YAP1: variants seen among roughly 807,000 people sequenced by gnomAD.
The protein encoded by YAP1 is transcriptional coactivator YAP1.
YAP1 carries 5 observed loss-of-function variants against 56.9 expected under a neutral mutation model. That is an observed-to-expected ratio of 0.09 (90% CI 0.05 to 0.18). The LOEUF (loss-of-function observed/expected upper bound fraction) is 0.18. Ranked by LOEUF, YAP1 falls within the 10% of genes least tolerant of loss-of-function variation. YAP1 has a pLI of 1.00. For missense variants in YAP1, 539 were observed against 651.8 expected (o/e 0.83, Z 1.88); for synonymous variants, 265 against 248.1 (o/e 1.07, Z -0.64).
intron 2 of YAP1, among the ~76,000 whole-genome samples, chr11:102,149,799 T>G (rs1945520408): frequency 6.6e-6 from 1 of 152,120 alleles, no homozygotes; most frequent in Admixed American, 6.5e-5. Context: ...GGACTCCAGT[T>G]GGAGACTGGA....
In YAP1 at chr11:102,110,715, C is replaced by T; in HGVS notation, c.-134C>T. The T allele has an allele frequency of 5.2e-6, 4 of 762,988 alleles. No homozygotes were observed. Among genetic ancestry groups the T allele is most frequent in the Non-Finnish European group, 6.9e-6 (4 of 581,158 alleles). 47.3% of individuals were successfully genotyped at this position (762,988 alleles called of 1,614,324 possible). A position where few individuals can be genotyped will look rare whatever the true frequency, so the allele number is the denominator to read the frequency against. On this transcript the variant is annotated 5_prime_UTR_variant, in exon 1 of 9. Transcript: ENST00000282441. ...GCGGGGCCGCGGCGCAGCCCCCCGG[C>T]CCTGAGAGCGAGGACAGCGCCGCCC...
At chr11:102,118,273 G>A (rs943419081) in intron 2 of YAP1, among the ~76,000 whole-genome samples, 2 of 152,072 alleles carry the variant, frequency 1.3e-5, no homozygotes, top group South Asian at 4.1e-4. Flanking sequence ...TTTAGTCTGC[G>A]AAGATTCAAG....
At chr11:102,111,276 G>T (rs1477777828) in intron 1 of YAP1, 107 bp downstream of exon 1, 1 of 1,383,652 alleles carries the variant, frequency 7.2e-7, no homozygotes, top group East Asian at 2.6e-5. Flanking sequence ...GGGGTTGCGG[G>T]AACTCTAGCT....
intron 6 of YAP1, among the ~76,000 whole-genome samples, chr11:102,217,716 G>T (rs1052605299): frequency 4.0e-5 from 6 of 151,888 alleles, no homozygotes; most frequent in Admixed American, 3.9e-4. Context: ...TTGAGATGGA[G>T]GTTCGTTCTT....
intron 3 of YAP1, among the ~76,000 whole-genome samples, chr11:102,169,293 C>T (rs1946775644): frequency 6.6e-6 from 1 of 152,158 alleles, no homozygotes; most frequent in Admixed American, 6.6e-5. Flanking sequence ...AGAATTTAAT[C>T]AGTTTGTAAT....
chr11:102,202,012 C>A, intron 4 of YAP1, among the ~76,000 whole-genome samples: 1 of 151,928 alleles, frequency 6.6e-6, no homozygotes, highest in Non-Finnish European at 1.5e-5. Context: ...GCAAAAAGAT[C>A]CAGCTTGACC....
chr11:102,188,514 A>C (rs1783439482), intron 4 of YAP1, among the ~76,000 whole-genome samples: 2 of 152,248 alleles, frequency 1.3e-5, no homozygotes, highest in African/African-American at 4.8e-5. Flanking sequence ...CGTTTCAGTC[A>C]GCGGCAGACC....
chr11:102,116,703 T>C (rs188158071), intron 2 of YAP1, among the ~76,000 whole-genome samples: 4 of 152,292 alleles, frequency 2.6e-5, no homozygotes, highest in African/African-American at 9.6e-5. Flanking sequence ...AAGACATGAT[T>C]GTTGTTTCAG....
At chr11:102,189,166 T>G (rs1283341180) in intron 4 of YAP1, among the ~76,000 whole-genome samples, 2 of 152,100 alleles carry the variant, frequency 1.3e-5, no homozygotes, top group East Asian at 3.9e-4. Flanking sequence ...TTATTTCATA[T>G]AAACACATAG....
chr11:102,225,240 T>C (rs1950140820), intron 7 of YAP1, among the ~76,000 whole-genome samples: 1 of 152,002 alleles, frequency 6.6e-6, no homozygotes, highest in African/African-American at 2.4e-5. Flanking sequence ...TCCCAGCACT[T>C]TGGGAGGCCA....
intron 4 of YAP1, among the ~76,000 whole-genome samples, chr11:102,192,320 T>C (rs1486897148): frequency 6.6e-6 from 1 of 152,248 alleles, no homozygotes; most frequent in East Asian, 1.9e-4. Flanking sequence ...TTCATTTTGC[T>C]AGTGCTTCTT....
intron 2 of YAP1, among the ~76,000 whole-genome samples, chr11:102,116,501 T>C (rs1943296369): frequency 6.6e-6 from 1 of 152,176 alleles, no homozygotes; most frequent in Admixed American, 6.5e-5. Context: ...GGTATTGATA[T>C]ATGTAGATGG....
chr11:102,111,485 T>C (rs1397857188), intron 1 of YAP1, among the ~76,000 whole-genome samples: 7 of 24,262 alleles, frequency 2.9e-4, no homozygotes, highest in Non-Finnish European at 5.9e-4. Context: ...TTGGCGGGAG[T>C]GGAGGAGGGG....
Position 102,230,901 on chromosome 11 carries a change from T to C in YAP1, c.*961T>C, listed in dbSNP as rs1270642501. 2 of 152,178 alleles carry C rather than the reference T, an allele frequency of 1.3e-5. No homozygotes were observed. The highest frequency in any genetic ancestry group is 4.8e-5 in the African/African-American group (2 of 41,440). The allele number at this position is 152,178 out of a possible 1,614,324, so 9.4% of individuals were successfully genotyped here. ...CACCCAAACATAACATTTATAATAG[T>C]GTGGTAGTGGAATGTATCCTTTTTT... On this transcript the variant is annotated 3_prime_UTR_variant, in exon 9 of 9. Coordinates refer to ENST00000282441, the MANE Select transcript of YAP1 (RefSeq NM_001130145.3).
intron 2 of YAP1, among the ~76,000 whole-genome samples, chr11:102,157,430 A>G (rs1453698348): frequency 6.6e-6 from 1 of 152,218 alleles, no homozygotes; most frequent in African/African-American, 2.4e-5. Flanking sequence ...CACTTGCACA[A>G]CAAACATGGG....
At chr11:102,114,493 T>C in intron 2 of YAP1, 99 bp downstream of exon 2, 2 of 1,384,930 alleles carry the variant, frequency 1.4e-6, no homozygotes, top group South Asian at 1.5e-5. Flanking sequence ...TTTATTTTTA[T>C]GTTTTATTTA....
chr11:102,182,733 C>A (rs185978427), intron 3 of YAP1, among the ~76,000 whole-genome samples: 15 of 152,284 alleles, frequency 9.9e-5, no homozygotes, highest in Non-Finnish European at 1.5e-5. Flanking sequence ...CTTTTCTAAT[C>A]TATTCCTTGC....
intron 3 of YAP1, among the ~76,000 whole-genome samples, chr11:102,177,634 G>A (rs372846247): frequency 5.5e-5 from 8 of 144,392 alleles, no homozygotes; most frequent in Admixed American, 1.4e-4. Context: ...CCAAGATTGC[G>A]CCATGGCACT....
intron 6 of YAP1, among the ~76,000 whole-genome samples, chr11:102,217,692 A>T (rs916340499): frequency 2.0e-5 from 3 of 151,936 alleles, no homozygotes; most frequent in African/African-American, 7.2e-5. Context: ...TTTGAGGATG[A>T]TTATCTTTTT....
Sources: allele counts gnomAD v4.1 joint callset (sites outside exome capture counted in the v4.1 genomes callset), GRCh38; gene constraint gnomAD v4.1.1; transcripts MANE v1.5; gene names NCBI Gene and HGNC (gene_info 2026-07-23, HGNC 2026-07-21).